Variants in AHR observed in about 807,000 individuals in gnomAD.
The protein encoded by AHR is aryl hydrocarbon receptor.
A neutral mutation model predicts 86.8 loss-of-function variants in AHR; 40 were observed. The ratio of observed to expected loss-of-function variants is 0.46; its 90% CI spans 0.36 to 0.60. AHR has a LOEUF of 0.60. Among genes scored for constraint, AHR ranks in the 20% least tolerant of loss-of-function variants. The pLI, the probability that AHR is intolerant of heterozygous loss-of-function variation, is 0.00. For missense variants in AHR, 1,001 were observed against 1,011.6 expected (o/e 0.99, Z 0.14); for synonymous variants, 398 against 354.9 (o/e 1.12, Z -1.37).
chr7:17,324,364 T>C (rs963169189), intron 3 of AHR, among the ~76,000 whole-genome samples: 15 of 152,212 alleles, frequency 9.9e-5, no homozygotes, highest in African/African-American at 3.6e-4. Flanking sequence ...CATCTGACTT[T>C]ATATTGCAAC....
At chr7:17,331,491 G>T (rs953342781) in intron 6 of AHR, among the ~76,000 whole-genome samples, 1 of 151,904 alleles carries the variant, frequency 6.6e-6, no homozygotes, top group African/African-American at 2.4e-5. Context: ...ACGAAGCCTT[G>T]TATTTTGACT....
At chr7:17,313,305 G>A (rs1782084489) in intron 2 of AHR, among the ~76,000 whole-genome samples, 1 of 152,120 alleles carries the variant, frequency 6.6e-6, no homozygotes, top group Non-Finnish European at 1.5e-5. Flanking sequence ...ATTTTTGTGT[G>A]CAGTTGGACC....
intron 10 of AHR, among the ~76,000 whole-genome samples, chr7:17,340,881 C>A (rs1047307822): frequency 3.2e-4 from 49 of 152,060 alleles, no homozygotes; most frequent in African/African-American, 1.1e-3. Flanking sequence ...GGCTTTCTGT[C>A]ATGGAAATCA....
chr7:17,334,738 G>A, intron 7 of AHR, 149 bp from the exon 8 acceptor site: 1 of 583,890 alleles, frequency 1.7e-6, no homozygotes, highest in South Asian at 2.4e-5. Context: ...ACATGGATGT[G>A]TTTAATTTCA....
At position 17,319,721 on chromosome 7, in the gene AHR, G is replaced by A. The variant is rs77797528; in HGVS notation, c.254-2780G>A. Among the ~76,000 whole-genome samples the A allele has an allele frequency of 1.3e-3, 199 of 152,144 alleles. 3 individuals carry two copies. In the East Asian group the frequency reaches 0.034, roughly 26 times the overall value. ...GCACAAGCAATATATACATGAAAAT[G>A]AGTAGTATTGATAGAGCCTCTAGTA... On this transcript the variant is annotated intron_variant, in intron 2 of 10. Transcript: ENST00000242057.
chr7:17,322,652 A>G lies in AHR; in HGVS notation c.360+45A>G, dbSNP rs200463395. ...GTTTCTTACACTAAGGACAGTTGTA[A>G]ATGGAAAATGAATTAATAAGTCTTT... On this transcript the variant is annotated intron_variant, in intron 3 of 10. Transcript: ENST00000242057. The G allele has an allele frequency of 3.6e-5, 44 of 1,222,914 alleles. No homozygotes were observed. The East Asian group carries it at 1.1e-3, about 30-fold the overall frequency. 75.8% of individuals were successfully genotyped at this position (1,222,914 alleles called of 1,614,324 possible).
At chr7:17,305,500 C>A (rs1037846239) in intron 1 of AHR, among the ~76,000 whole-genome samples, 1 of 151,946 alleles carries the variant, frequency 6.6e-6, no homozygotes, top group Non-Finnish European at 1.5e-5. Flanking sequence ...TGCTGAGAAG[C>A]GGGTGCCCAA....
At chr7:17,327,730 A>G in intron 3 of AHR, 29 bp from the exon 4 acceptor site, 1 of 1,285,338 alleles carries the variant, frequency 7.8e-7, no homozygotes, top group Non-Finnish European at 1.1e-6. Flanking sequence ...AAGTCATATT[A>G]CTAATTTTAG....
intron 10 of AHR, among the ~76,000 whole-genome samples, chr7:17,341,002 C>G (rs143769411): frequency 2.3e-3 from 343 of 152,142 alleles, no homozygotes; most frequent in African/African-American, 7.9e-3. Context: ...AACATAATGT[C>G]AGTAACTGCT....
intron 2 of AHR, among the ~76,000 whole-genome samples, chr7:17,321,023 C>T (rs935547927): frequency 6.6e-6 from 1 of 152,078 alleles, no homozygotes; most frequent in Non-Finnish European, 1.5e-5. Flanking sequence ...GAACTCTGCT[C>T]AGACTGAGAG....
At chr7:17,318,659 T>G (rs967352348) in intron 2 of AHR, among the ~76,000 whole-genome samples, 4 of 152,146 alleles carry the variant, frequency 2.6e-5, no homozygotes, top group Non-Finnish European at 5.9e-5. Flanking sequence ...TTTCAGATAC[T>G]ACATTTTGTT....
chr7:17,329,516 T>A (rs1032757907), intron 4 of AHR, among the ~76,000 whole-genome samples: 1 of 151,870 alleles, frequency 6.6e-6, no homozygotes, highest in Admixed American at 6.6e-5. Flanking sequence ...GAAAATTTTA[T>A]ATGAAGAAAA....
At chr7:17,312,650 CT>C (rs971277833) in intron 2 of AHR, among the ~76,000 whole-genome samples, 6 of 152,144 alleles carry the variant, frequency 3.9e-5, no homozygotes, top group Non-Finnish European at 7.4e-5. Context: ...TTGTTAAAAA[CT>C]TTTTTCTCAG....
chr7:17,322,113 A>G (rs1427472200), intron 2 of AHR, among the ~76,000 whole-genome samples: 5 of 151,976 alleles, frequency 3.3e-5, no homozygotes, highest in Non-Finnish European at 5.9e-5. Flanking sequence ...TCATTTTTAT[A>G]GGTTACATTA....
chr7:17,317,510 G>A (rs1312172837), intron 2 of AHR, among the ~76,000 whole-genome samples: 2 of 152,160 alleles, frequency 1.3e-5, no homozygotes, highest in Non-Finnish European at 2.9e-5. Flanking sequence ...AATAATAACT[G>A]TGCTGAACAG....
rs145615392 is a variant in AHR at position 17,306,854 on chromosome 7, G to C, written c.66-3082G>C. 3.5e-3 allele frequency among the ~76,000 whole-genome samples: 535 copies of C among 152,212 alleles called. 3 individuals carry two copies. The highest frequency in any genetic ancestry group is 0.012 in the African/African-American group (505 of 41,536). ...CACTGTCACTGCCTTTGGTCAGGTT[G>C]TGATCATTCCTTTTCTTGGCACTTT... is the stretch of plus-strand genomic sequence containing the variant. On this transcript the variant is annotated intron_variant, in intron 1 of 10. Transcript: ENST00000242057.
chr7:17,323,266 A>T (rs1001848675), intron 3 of AHR, among the ~76,000 whole-genome samples: 11 of 152,154 alleles, frequency 7.2e-5, no homozygotes, highest in Non-Finnish European at 7.4e-5. Context: ...AAATTGTTAA[A>T]TGCATTTCTT....
chr7:17,304,589 G>C (rs772018405), intron 1 of AHR, among the ~76,000 whole-genome samples: 1 of 152,180 alleles, frequency 6.6e-6, no homozygotes. Context: ...AAACAGAAGT[G>C]TCTTGCCTGT....
intron 2 of AHR, 57 bp from the exon 3 acceptor site, chr7:17,322,444 T>G (rs1033678707): frequency 8.7e-7 from 1 of 1,147,470 alleles, no homozygotes; most frequent in African/African-American, 1.6e-5. Flanking sequence ...AGTTTTCTAT[T>G]ATAGCTCTTT....
Sources: gnomAD v4.1 joint callset for allele counts (sites outside exome capture counted in the v4.1 genomes callset) on GRCh38, gnomAD v4.1.1 for gene constraint, MANE v1.5 for transcripts, NCBI Gene and HGNC (gene_info 2026-07-23, HGNC 2026-07-21) for gene names.